PDHX: variants seen among roughly 807,000 people sequenced by gnomAD.
The protein encoded by PDHX is pyruvate dehydrogenase protein X component, mitochondrial.
A neutral mutation model predicts 55.3 loss-of-function variants in PDHX; 33 were observed. The observed-to-expected ratio is 0.60, with a 90% CI of 0.45 to 0.80. The LOEUF (loss-of-function observed/expected upper bound fraction) is 0.80, where lower values mean the gene tolerates loss of function less well. Ranked by LOEUF, PDHX falls within the 30% of genes least tolerant of loss-of-function variation. The probability of loss-of-function intolerance (pLI) is 0.00; values close to 1 mark genes in which losing one functional copy is unlikely to be tolerated. For synonymous variants in PDHX, 226 were observed against 219.4 expected, an observed-to-expected ratio of 1.03 and a Z score of -0.27; for missense variants, 622 against 619.9, an observed-to-expected ratio of 1.00 and a Z score of -0.04.
At chr11:34,976,709 G>C (rs1020638665) in intron 7 of PDHX, among the ~76,000 whole-genome samples, 1 of 152,186 alleles carries the variant, frequency 6.6e-6, no homozygotes, top group African/African-American at 2.4e-5. Flanking sequence ...GCCAGTAAAA[G>C]AATATATTTC....
chr11:34,918,449 A>G (rs1185295809), intron 1 of PDHX, among the ~76,000 whole-genome samples: 2 of 152,012 alleles, frequency 1.3e-5, no homozygotes, highest in Non-Finnish European at 2.9e-5. Flanking sequence ...GAGAAAAAAA[A>G]AAAAAAGTAT....
At chr11:34,942,944 A>C (rs3852516) in intron 2 of PDHX, among the ~76,000 whole-genome samples, 2 of 152,094 alleles carry the variant, frequency 1.3e-5, no homozygotes, top group Non-Finnish European at 2.9e-5. Context: ...AAAAAAGGCT[A>C]TCTTTTTAAA....
chr11:34,968,946 T>A (rs1039501740), intron 6 of PDHX, among the ~76,000 whole-genome samples: 1 of 152,216 alleles, frequency 6.6e-6, no homozygotes, highest in Admixed American at 6.5e-5. Flanking sequence ...GTTCGACTTA[T>A]AATTTTTTGA....
intron 2 of PDHX, among the ~76,000 whole-genome samples, chr11:34,935,427 G>C (rs565889185): frequency 6.6e-6 from 1 of 152,292 alleles, no homozygotes; most frequent in Non-Finnish European, 1.5e-5. Flanking sequence ...TATACAGAAG[G>C]ATAGAGGAAC....
intron 2 of PDHX, among the ~76,000 whole-genome samples, chr11:34,935,495 TTCTTTTCC>T (rs967178578): frequency 6.6e-6 from 1 of 152,220 alleles, no homozygotes; most frequent in African/African-American, 2.4e-5. Flanking sequence ...TCTTTTCCTT[TTCTTTTCC>T]CCTTTTTCCT....
chr11:34,951,328 G>C (rs1192423254), intron 3 of PDHX, among the ~76,000 whole-genome samples: 1 of 151,946 alleles, frequency 6.6e-6, no homozygotes, highest in African/African-American at 2.4e-5. Flanking sequence ...CAAAGTGCTG[G>C]GATTACAAGC....
chr11:34,967,088 G>A (rs1855152843), intron 6 of PDHX, among the ~76,000 whole-genome samples: 1 of 152,070 alleles, frequency 6.6e-6, no homozygotes, highest in Non-Finnish European at 1.5e-5. Context: ...CTGACTTCAG[G>A]TGATCCACCC....
At chr11:34,991,345 C>T (rs765528021) in intron 9 of PDHX, among the ~76,000 whole-genome samples, 1 of 152,004 alleles carries the variant, frequency 6.6e-6, no homozygotes, top group Non-Finnish European at 1.5e-5. Flanking sequence ...CAGAAGAAAC[C>T]GTGAACCAAA....
intron 3 of PDHX, among the ~76,000 whole-genome samples, chr11:34,949,209 G>A (rs1304593910): frequency 2.7e-5 from 4 of 150,202 alleles, no homozygotes; most frequent in African/African-American, 1.0e-4. Flanking sequence ...TTTTATCAGG[G>A]ACAAACTAGT....
In PDHX at chr11:34,916,689, C is replaced by A; in HGVS notation, c.34C>A (p.Arg12=). Residue 12 remains arginine, a synonymous_variant, in exon 1 of 11, where the codon CGG becomes AGG. Transcript: ENST00000227868. ...AASWRLGCDP[R]LLRYLVGFPG... is the part of the protein sequence containing the mutation. ...CTCCTGGAGGCTGGGCTGTGATCCGCGGCTGCTGCGTTATCTTGTGGGCTT... is the reference window on the plus strand; with the variant it reads ...CTCCTGGAGGCTGGGCTGTGATCCGAGGCTGCTGCGTTATCTTGTGGGCTT... The A allele has an allele frequency of 6.2e-7, 1 of 1,611,956 alleles. No individual in the cohort carries two copies. The highest frequency in any genetic ancestry group is 1.1e-5 in the South Asian group (1 of 91,002).
At chr11:34,966,300 TGA>T (rs995439541) in intron 5 of PDHX, among the ~76,000 whole-genome samples, 1 of 152,202 alleles carries the variant, frequency 6.6e-6, no homozygotes, top group African/African-American at 2.4e-5. Flanking sequence ...GTATAAAGGA[TGA>T]GAGTGGTTTA....
intron 1 of PDHX, among the ~76,000 whole-genome samples, chr11:34,930,759 ACTT>A (rs1237249245): frequency 1.3e-5 from 2 of 152,238 alleles, no homozygotes; most frequent in African/African-American, 4.8e-5. Context: ...TTTGAGGTCT[ACTT>A]CTCTGGATCC....
rs1032960678 is a variant in PDHX, at chr11:34,929,043, T to A, written c.161-2361T>A. Among the ~76,000 whole-genome samples the A allele has an allele frequency of 3.9e-5, 6 of 152,198 alleles. 1 individual carries two copies. The highest frequency in any genetic ancestry group is 1.3e-4 in the Admixed American group (2 of 15,276). Reference sequence around the variant, plus strand: ...TCAGTGAAACTGTTTCAGCTACAGTTATTGAGAGTCATGGTGGACTGGAGT... The same window carrying A: ...TCAGTGAAACTGTTTCAGCTACAGTAATTGAGAGTCATGGTGGACTGGAGT... On this transcript the variant is annotated intron_variant, in intron 1 of 10. Coordinates refer to ENST00000227868, the MANE Select transcript of PDHX (RefSeq NM_003477.3).
chr11:34,985,293 T>C (rs1168951142), intron 9 of PDHX, among the ~76,000 whole-genome samples: 1 of 151,962 alleles, frequency 6.6e-6, no homozygotes, highest in African/African-American at 2.4e-5. Context: ...ATACGAAAAT[T>C]AGCTGAGTGT....
At chr11:34,941,281 CCT>C (rs1401264827) in intron 2 of PDHX, among the ~76,000 whole-genome samples, 2 of 152,174 alleles carry the variant, frequency 1.3e-5, no homozygotes, top group Non-Finnish European at 2.9e-5. Flanking sequence ...AGGGGTCCCT[CCT>C]CTACATTCCC....
chr11:34,956,366 A>T (rs919455336), intron 3 of PDHX, among the ~76,000 whole-genome samples: 1 of 152,084 alleles, frequency 6.6e-6, no homozygotes, highest in Non-Finnish European at 1.5e-5. Context: ...GATATGTCAA[A>T]CTCATTCTAG....
At chr11:34,946,154 C>T (rs1351282221) in intron 2 of PDHX, among the ~76,000 whole-genome samples, 1 of 152,088 alleles carries the variant, frequency 6.6e-6, no homozygotes, top group Non-Finnish European at 1.5e-5. Flanking sequence ...TTAGTGCTAC[C>T]TTTCAATTTA....
At chr11:34,941,282 C>G (rs1170536643) in intron 2 of PDHX, among the ~76,000 whole-genome samples, 1 of 152,168 alleles carries the variant, frequency 6.6e-6, no homozygotes, top group Non-Finnish European at 1.5e-5. Context: ...GGGGTCCCTC[C>G]TCTACATTCC....
chr11:34,966,493 T>A (rs1324248310), intron 5 of PDHX, 147 bp from the exon 6 acceptor site: 3 of 754,346 alleles, frequency 4.0e-6, no homozygotes, highest in Non-Finnish European at 6.9e-6. Context: ...AGGATTTAAT[T>A]TTCTAGCTCA....
Sources: allele counts gnomAD v4.1 joint callset (sites outside exome capture counted in the v4.1 genomes callset), GRCh38; gene constraint gnomAD v4.1.1; transcripts MANE v1.5; gene names NCBI Gene and HGNC (gene_info 2026-07-23, HGNC 2026-07-21).